DDO: variants seen among roughly 807,000 people sequenced by gnomAD.
DDO encodes D-aspartate oxidase.
A neutral mutation model predicts 16.8 loss-of-function variants in DDO; 16 were observed. The ratio of observed to expected loss-of-function variants is 0.95; its 90% CI spans 0.65 to 1.45. DDO has a LOEUF of 1.45. Ranked by LOEUF, DDO falls within the 40% of genes most tolerant of loss-of-function variation. The pLI is 0.00. For synonymous variants in DDO, 180 were observed against 167.2 expected (o/e 1.08, Z -0.59); for missense variants, 429 against 420.3 (o/e 1.02, Z -0.18).
At position 110,404,930 on chromosome 6, in the gene DDO, G is replaced by A. The variant is rs1773599731; in HGVS notation, c.302C>T (p.Thr101Ile). ...LVSGWQIFQS[T>I]PTEEVPFWAD... ...CCAGAATGGCACTTCTTCAGTCGGA[G>A]TGCTCTGAAATATCTGCCAACTCAA... Residue 101 changes from threonine (T) to isoleucine (I), a missense_variant, in exon 4 of 5, where the codon ACT (threonine) becomes ATT (isoleucine). By Grantham distance (89) the Thr-to-Ile change is moderately conservative. Transcript: ENST00000368924. The A allele has an allele frequency of 6.2e-7, 1 of 1,614,198 alleles. No individual in the cohort carries two copies. Among genetic ancestry groups the A allele is most frequent in the Non-Finnish European group, 8.5e-7 (1 of 1,180,034 alleles).
chr6:110,392,560 C>T lies in DDO; in HGVS notation c.*215G>A. The T allele has an allele frequency of 8.2e-7, 1 of 1,226,540 alleles. No individual in the cohort carries two copies. Among genetic ancestry groups the T allele is most frequent in the Non-Finnish European group, 1.0e-6 (1 of 984,848 alleles). The allele number at this position is 1,226,540 out of a possible 1,614,324, so 76.0% of individuals were successfully genotyped here. A position where few individuals can be genotyped will look rare whatever the true frequency, so the allele number is the denominator to read the frequency against. On this transcript the variant is annotated 3_prime_UTR_variant, in exon 5 of 5. Transcript: ENST00000368924. ...TCTAAAAAATGTTACCCAGATTGCA[C>T]TCAAACTCCTGGGCTCAACAATCCT...
At chr6:110,410,256 C>G (rs894377273) in intron 2 of DDO, among the ~76,000 whole-genome samples, 5 of 152,238 alleles carry the variant, frequency 3.3e-5, no homozygotes, top group African/African-American at 1.2e-4. Flanking sequence ...AGAGACAGTT[C>G]TGGCCTCGAT....
At chr6:110,410,792 G>A (rs1773829087) in intron 2 of DDO, among the ~76,000 whole-genome samples, 4 of 152,188 alleles carry the variant, frequency 2.6e-5, no homozygotes, top group African/African-American at 9.6e-5. Flanking sequence ...ATTTGGGTGG[G>A]GATACAGCCA....
chr6:110,403,178 T>C (rs371966066), intron 4 of DDO, among the ~76,000 whole-genome samples: 3 of 152,244 alleles, frequency 2.0e-5, no homozygotes, highest in Admixed American at 6.5e-5. Flanking sequence ...CTCTGCCATT[T>C]TTTGCCATGC....
chr6:110,393,575 A>G (rs1288667178), intron 4 of DDO, among the ~76,000 whole-genome samples: 2 of 152,206 alleles, frequency 1.3e-5, no homozygotes, highest in African/African-American at 4.8e-5. Context: ...AATTCAAAAC[A>G]AAGGAAATTA....
Position 110,413,180 on chromosome 6 carries a change from C to T in DDO, c.172+111G>A, listed in dbSNP as rs571291594. The T allele has an allele frequency of 2.8e-5, 35 of 1,241,052 alleles. No individual in the cohort carries two copies. In the African/African-American group the frequency reaches 5.2e-4, roughly 18 times the overall value. 76.9% of individuals were successfully genotyped at this position (1,241,052 alleles called of 1,614,324 possible). A position where few individuals can be genotyped will look rare whatever the true frequency, so the allele number is the denominator to read the frequency against. On this transcript the variant is annotated intron_variant, in intron 2 of 4. Coordinates refer to ENST00000368924, the MANE Select transcript of DDO (RefSeq NM_001372108.2). ...AAAGAGGAAAGGAAAAAGAAAAAAA[C>T]CTGCATATTACACTTACACCTATAG...
intron 4 of DDO, among the ~76,000 whole-genome samples, chr6:110,401,926 A>G (rs1040917458): frequency 6.6e-6 from 1 of 152,220 alleles, no homozygotes; most frequent in Non-Finnish European, 1.5e-5. Context: ...AACAGCCCCA[A>G]TAAGGGGATA....
intron 2 of DDO, among the ~76,000 whole-genome samples, chr6:110,409,867 G>A (rs1378064148): frequency 6.6e-6 from 1 of 152,218 alleles, no homozygotes; most frequent in Non-Finnish European, 1.5e-5. Flanking sequence ...TGCTGCAGAA[G>A]TCATCCCAAA....
At chr6:110,413,096 T>C (rs1474432217) in intron 2 of DDO, among the ~76,000 whole-genome samples, 195 bp downstream of exon 2, 1 of 151,894 alleles carries the variant, frequency 6.6e-6, no homozygotes, top group East Asian at 1.9e-4. Context: ...TGAGCCAAGA[T>C]TGCACCACTC....
chr6:110,391,351 C>CTTT (rs10683177), downstream of DDO, among the ~76,000 whole-genome samples: 3,791 of 133,498 alleles, frequency 0.028, 135 homozygotes, highest in African/African-American at 0.047. Flanking sequence ...CTCCTCAAGC[C>CTTT]TTTTTTTTTT....
Position 110,415,441 on chromosome 6 carries a change from T to A in DDO, c.-5+26A>T, listed in dbSNP as rs544509927. ...CCCAGAGCATGGACGGAACGACCCC[T>A]CAGCTGAAAGCAAGAATTCAAGTAC... On this transcript the variant is annotated intron_variant, in intron 1 of 4. Coordinates refer to ENST00000368924, the MANE Select transcript of DDO (RefSeq NM_001372108.2). 412 of 1,613,580 alleles carry A rather than the reference T, an allele frequency of 2.6e-4. 4 individuals carry two copies. The East Asian group carries it at 7.6e-3, about 30-fold the overall frequency.
chr6:110,393,138 C>T lies in DDO; in HGVS notation c.663G>A (p.Leu221=). The T allele has an allele frequency of 1.2e-6, 2 of 1,614,158 alleles. No homozygotes were observed. The highest frequency in any genetic ancestry group is 1.7e-6 in the Non-Finnish European group (2 of 1,179,976). The change falls in exon 5 of 5, where the codon CTG becomes CTA. Residue 221 remains leucine, a synonymous_variant. Transcript: ENST00000368924. The part of the protein sequence containing the change: ...VEHFIRDGSG[L]TYIYPGTSHV... ...GGGATGTACCAGGATAAATATATGT[C>T]AGCCCACTGCCATCTCGGATAAAAT... is the stretch of plus-strand genomic sequence containing the variant.
chr6:110,397,104 T>C (rs1389905145), intron 4 of DDO, among the ~76,000 whole-genome samples: 1 of 152,156 alleles, frequency 6.6e-6, no homozygotes. Flanking sequence ...ATCCATAATA[T>C]GGGGGTAGTA....
chr6:110,408,007 A>G (rs1212412948), intron 3 of DDO, among the ~76,000 whole-genome samples: 2 of 152,290 alleles, frequency 1.3e-5, no homozygotes, highest in Non-Finnish European at 2.9e-5. Context: ...CGGCTGTACC[A>G]TCCCCACATC....
intron 4 of DDO, among the ~76,000 whole-genome samples, chr6:110,401,127 C>T (rs1582478950): frequency 6.6e-6 from 1 of 152,334 alleles, no homozygotes; most frequent in East Asian, 1.9e-4. Flanking sequence ...CGGCATGCTC[C>T]TGGGCCCCTT....
intron 4 of DDO, among the ~76,000 whole-genome samples, chr6:110,400,688 T>G (rs1185352758): frequency 6.6e-6 from 1 of 152,246 alleles, no homozygotes; most frequent in Non-Finnish European, 1.5e-5. Flanking sequence ...ACTTCTAGAC[T>G]TTAGAGCCAA....
At chr6:110,407,334 C>A (rs1364465122) in intron 3 of DDO, among the ~76,000 whole-genome samples, 1 of 152,144 alleles carries the variant, frequency 6.6e-6, no homozygotes, top group Non-Finnish European at 1.5e-5. Flanking sequence ...AAGAATCAAT[C>A]CATAGATTGA....
chr6:110,392,174 G>T lies in DDO; in HGVS notation c.*601C>A, dbSNP rs950746887. On this transcript the variant is annotated 3_prime_UTR_variant, in exon 5 of 5. Coordinates refer to ENST00000368924, the MANE Select transcript of DDO (RefSeq NM_001372108.2). ...GTCTTCAATTAAATGTAATAATCCAGCACTGTGTGAGCACAATGTAATTTT... is the reference window on the plus strand; with the variant it reads ...GTCTTCAATTAAATGTAATAATCCATCACTGTGTGAGCACAATGTAATTTT... The T allele has an allele frequency of 3.4e-5, 33 of 984,986 alleles. No individual in the cohort carries two copies. Among genetic ancestry groups the T allele is most frequent in the South Asian group, 1.4e-4 (3 of 21,290 alleles). The allele number at this position is 984,986 out of a possible 1,614,324, so 61.0% of individuals were successfully genotyped here. A position where few individuals can be genotyped will look rare whatever the true frequency, so the allele number is the denominator to read the frequency against.
chr6:110,400,122 C>G (rs772198830), intron 4 of DDO, among the ~76,000 whole-genome samples: 1 of 152,202 alleles, frequency 6.6e-6, no homozygotes, highest in Non-Finnish European at 1.5e-5. Flanking sequence ...GACGGGGTGG[C>G]AGGGTTGACC....
Sources: gnomAD v4.1 joint callset for allele counts (sites outside exome capture counted in the v4.1 genomes callset) on GRCh38, gnomAD v4.1.1 for gene constraint, MANE v1.5 for transcripts, NCBI Gene and HGNC (gene_info 2026-07-23, HGNC 2026-07-21) for gene names.